Variants in DLG2 observed in about 807,000 individuals in gnomAD.
DLG2 encodes discs large MAGUK scaffold protein 2.
DLG2 carries 45 observed loss-of-function variants against 132.5 expected under a neutral mutation model. That is an observed-to-expected ratio of 0.34 (90% CI 0.27 to 0.44). The LOEUF is 0.44. Among genes scored for constraint, DLG2 ranks in the 20% least tolerant of loss-of-function variants. The pLI, the probability that DLG2 is intolerant of heterozygous loss-of-function variation, is 1.00. For missense variants in DLG2, 1,045 were observed against 1,196.9 expected (o/e 0.87, Z 1.87); for synonymous variants, 424 against 419.6 (o/e 1.01, Z -0.13).
chr11:83,841,921 T>C (rs933261514), intron 16 of DLG2, among the ~76,000 whole-genome samples: 3 of 152,168 alleles, frequency 2.0e-5, no homozygotes, highest in Non-Finnish European at 2.9e-5. Context: ...GCCTAGGAAG[T>C]GGACAAGTGC....
intron 4 of DLG2, among the ~76,000 whole-genome samples, chr11:85,174,061 C>T (rs1319682653): frequency 1.3e-5 from 2 of 151,994 alleles, no homozygotes. Context: ...AGACAGATCA[C>T]CAAGACAGAA....
intron 19 of DLG2, among the ~76,000 whole-genome samples, chr11:83,622,020 T>G (rs1404723939): frequency 6.6e-6 from 1 of 152,180 alleles, no homozygotes; most frequent in Non-Finnish European, 1.5e-5. Context: ...GCTCAAGCGA[T>G]TCTCCTGCCT....
At position 84,634,712 on chromosome 11, in the gene DLG2, C is replaced by G. The variant is rs1427484557; in HGVS notation, c.358-99981G>C. Among the ~76,000 whole-genome samples, 5 of 152,122 alleles carry G rather than the reference C, an allele frequency of 3.3e-5. No individual in the cohort carries two copies. In the East Asian group the frequency reaches 9.6e-4, roughly 29 times the overall value. The stretch of plus-strand genomic sequence containing the variant: ...TAAATTTAATTTATCCAAAGTTATC[C>G]TTCTGACTAAATGAATGAATAAATG... On this transcript the variant is annotated intron_variant, in intron 6 of 27. Coordinates refer to ENST00000376104, the MANE Select transcript of DLG2 (RefSeq NM_001142699.3).
chr11:84,907,286 G>A (rs1054181459), intron 6 of DLG2, among the ~76,000 whole-genome samples: 3 of 152,146 alleles, frequency 2.0e-5, no homozygotes, highest in African/African-American at 7.2e-5. Flanking sequence ...AAACATGACA[G>A]CATTTTCCAA....
At chr11:84,300,302 C>T (rs1046406981) in intron 7 of DLG2, among the ~76,000 whole-genome samples, 1 of 152,074 alleles carries the variant, frequency 6.6e-6, no homozygotes, top group East Asian at 1.9e-4. Context: ...CTGTCTGTTG[C>T]ATGAACTATT....
chr11:85,169,304 T>C (rs1047477781), intron 4 of DLG2, among the ~76,000 whole-genome samples: 3 of 152,180 alleles, frequency 2.0e-5, no homozygotes, highest in Non-Finnish European at 4.4e-5. Flanking sequence ...TAATATGCTA[T>C]CTTCCGTGTA....
At chr11:85,480,016 G>A (rs1193264588) in intron 3 of DLG2, among the ~76,000 whole-genome samples, 1 of 152,130 alleles carries the variant, frequency 6.6e-6, no homozygotes, top group African/African-American at 2.4e-5. Flanking sequence ...TGAGGTACTA[G>A]GGGTAGGACT....
chr11:84,656,291 T>C (rs889901000), intron 6 of DLG2, among the ~76,000 whole-genome samples: 5 of 152,100 alleles, frequency 3.3e-5, no homozygotes, highest in African/African-American at 1.2e-4. Flanking sequence ...ATCCAACATC[T>C]GTTCACTTCT....
intron 21 of DLG2, among the ~76,000 whole-genome samples, chr11:83,522,045 AACCTT>A (rs2095493549): frequency 6.6e-6 from 1 of 152,218 alleles, no homozygotes; most frequent in Non-Finnish European, 1.5e-5. Context: ...CTATGTTTAC[AACCTT>A]ACCACTGCCC....
At chr11:85,519,273 C>T (rs2094231840) in intron 3 of DLG2, among the ~76,000 whole-genome samples, 1 of 152,142 alleles carries the variant, frequency 6.6e-6, no homozygotes, top group Non-Finnish European at 1.5e-5. Context: ...GTGAAATTAG[C>T]CAGGATGGAG....
At chr11:84,126,836 G>A (rs575654772) in intron 9 of DLG2, among the ~76,000 whole-genome samples, 44 of 152,236 alleles carry the variant, frequency 2.9e-4, no homozygotes, top group African/African-American at 9.4e-4. Context: ...CATTTTTGGG[G>A]TAATAGAATG....
At chr11:83,517,538 G>A (rs1322083958) in intron 21 of DLG2, among the ~76,000 whole-genome samples, 1 of 152,180 alleles carries the variant, frequency 6.6e-6, no homozygotes, top group Admixed American at 6.5e-5. Flanking sequence ...GTCAGTCTCT[G>A]TCCAGCTTTG....
At chr11:84,156,722 G>T (rs1485530742) in intron 9 of DLG2, among the ~76,000 whole-genome samples, 2 of 152,186 alleles carry the variant, frequency 1.3e-5, no homozygotes, top group African/African-American at 4.8e-5. Context: ...AAAGAAAAAT[G>T]ACTGATTTAT....
At chr11:83,823,026 G>C (rs555881120) in intron 17 of DLG2, among the ~76,000 whole-genome samples, 2 of 152,156 alleles carry the variant, frequency 1.3e-5, no homozygotes, top group African/African-American at 4.8e-5. Context: ...TATCCTGAAG[G>C]TACCCTATGA....
At chr11:85,561,631 T>A (rs954313710) in intron 3 of DLG2, among the ~76,000 whole-genome samples, 1 of 151,772 alleles carries the variant, frequency 6.6e-6, no homozygotes, top group Admixed American at 6.6e-5. Flanking sequence ...AAAAGTAGAC[T>A]TGTCAAATCA....
intron 3 of DLG2, among the ~76,000 whole-genome samples, chr11:85,460,235 C>G (rs2092562599): frequency 6.6e-6 from 1 of 152,194 alleles, no homozygotes; most frequent in African/African-American, 2.4e-5. Context: ...TCTCCTACTG[C>G]TGGAGCTCCA....
intron 7 of DLG2, among the ~76,000 whole-genome samples, chr11:84,294,762 TGCGGTA>T (rs1398094666): frequency 1.2e-4 from 18 of 152,184 alleles, no homozygotes; most frequent in African/African-American, 4.3e-4. Context: ...TGGATAGAAC[TGCGGTA>T]GCCACACTGG....
intron 3 of DLG2, among the ~76,000 whole-genome samples, chr11:85,431,981 T>C (rs953167971): frequency 5.9e-5 from 9 of 152,100 alleles, no homozygotes; most frequent in African/African-American, 2.2e-4. Flanking sequence ...TCTTTGCTGT[T>C]CTCCAGCCCC....
chr11:84,429,723 A>G (rs866807220), intron 7 of DLG2, among the ~76,000 whole-genome samples: 5 of 152,218 alleles, frequency 3.3e-5, no homozygotes, highest in South Asian at 2.1e-4. Flanking sequence ...TCTGATTATC[A>G]AATTTATCTT....
Sources: gnomAD v4.1 joint callset for allele counts (sites outside exome capture counted in the v4.1 genomes callset) on GRCh38, gnomAD v4.1.1 for gene constraint, MANE v1.5 for transcripts, NCBI Gene and HGNC (gene_info 2026-07-23, HGNC 2026-07-21) for gene names.